STK17B: variants seen among roughly 807,000 people sequenced by gnomAD.
STK17B encodes serine/threonine kinase 17b.
In STK17B, 21 loss-of-function variants were observed where a neutral mutation model predicts 42.0. The observed-to-expected ratio is 0.50, with a 90% CI of 0.35 to 0.72. The LOEUF (loss-of-function observed/expected upper bound fraction) is 0.72. STK17B is among the 30% of genes least tolerant of loss of function. The probability of loss-of-function intolerance (pLI) is 0.00; values close to 1 mark genes in which losing one functional copy is unlikely to be tolerated. For synonymous variants in STK17B, 143 were observed against 148.4 expected (o/e 0.96, Z 0.26); for missense variants, 349 against 446.0 (o/e 0.78, Z 1.96).
At chr2:196,139,128 TAATTTTTTTGTATTTTTA>T (rs923046168) in intron 7 of STK17B, among the ~76,000 whole-genome samples, 1 of 151,932 alleles carries the variant, frequency 6.6e-6, no homozygotes, top group Non-Finnish European at 1.5e-5. Flanking sequence ...CATGCCTGGC[TAATTTTTTTGTATTTTTA>T]GTAGAGATGG....
chr2:196,159,873 C>T lies in STK17B; in HGVS notation c.123-3222G>A, dbSNP rs200660698. On this transcript the variant is annotated intron_variant, in intron 2 of 7. Coordinates refer to ENST00000263955, the MANE Select transcript of STK17B (RefSeq NM_004226.4). ...ACCATATACTGTGCTATTCTGTATC[C>T]TGTACTTAAAGTGTTTGTATTTCTT... Among the ~76,000 whole-genome samples the T allele has an allele frequency of 2.1e-5, 3 of 146,234 alleles. No homozygotes were observed. The East Asian group carries it at 5.8e-4, about 28-fold the overall frequency.
At chr2:196,161,101 T>G (rs1699806129) in intron 2 of STK17B, among the ~76,000 whole-genome samples, 2 of 152,144 alleles carry the variant, frequency 1.3e-5, no homozygotes, top group Non-Finnish European at 2.9e-5. Flanking sequence ...AAGACTTGCA[T>G]AATATTCATT....
upstream of STK17B, among the ~76,000 whole-genome samples, chr2:196,173,506 A>G (rs1050149087): frequency 6.6e-6 from 1 of 152,180 alleles, no homozygotes. Flanking sequence ...ATTCAACTAC[A>G]CTTACTTGGT....
At chr2:196,155,214 GA>G (rs1457316886) in intron 3 of STK17B, among the ~76,000 whole-genome samples, 1 of 152,188 alleles carries the variant, frequency 6.6e-6, no homozygotes, top group Non-Finnish European at 1.5e-5. Context: ...AAGGTCAGCT[GA>G]AGAATCTTTG....
rs1333219702 is a variant in STK17B at position 196,135,266 on chromosome 2, T to TA, written c.*2180dup. On this transcript the variant is annotated 3_prime_UTR_variant, in exon 8 of 8. Coordinates refer to ENST00000263955, the MANE Select transcript of STK17B (RefSeq NM_004226.4). ...ATCATTTCATTATCCAATGACTTAC[T>TA]AAACTTTACTTGCATTATCTTAATA... is the stretch of plus-strand genomic sequence containing the variant. 6.6e-6 allele frequency: 1 copy of TA among 152,204 alleles called. No individual in the cohort carries two copies. The highest frequency in any genetic ancestry group is 1.5e-5 in the Non-Finnish European group (1 of 68,026). The allele number at this position is 152,204 out of a possible 1,614,324, so 9.4% of individuals were successfully genotyped here.
intron 2 of STK17B, among the ~76,000 whole-genome samples, chr2:196,159,183 A>T (rs971256698): frequency 6.6e-6 from 1 of 152,138 alleles, no homozygotes; most frequent in Non-Finnish European, 1.5e-5. Context: ...TTAGCCAAGA[A>T]AACTGTGCAT....
At chr2:196,161,473 G>A (rs942053818) in intron 2 of STK17B, among the ~76,000 whole-genome samples, 2 of 118,666 alleles carry the variant, frequency 1.7e-5, no homozygotes, top group African/African-American at 6.5e-5. Context: ...ATGTGCTTTT[G>A]TATTTAATTC....
At chr2:196,139,243 C>T (rs1353145398) in intron 7 of STK17B, among the ~76,000 whole-genome samples, 4 of 152,154 alleles carry the variant, frequency 2.6e-5, no homozygotes, top group Admixed American at 6.5e-5. Flanking sequence ...GGATTACAGG[C>T]GTGAGCCACC....
chr2:196,149,202 C>T (rs1229878154), intron 3 of STK17B, among the ~76,000 whole-genome samples: 3 of 149,340 alleles, frequency 2.0e-5, no homozygotes, highest in African/African-American at 5.0e-5. Context: ...CTTGCTCTGT[C>T]GCCCAGGCTG....
intron 2 of STK17B, among the ~76,000 whole-genome samples, chr2:196,160,848 GT>G (rs1699802370): frequency 6.6e-6 from 1 of 152,038 alleles, no homozygotes; most frequent in South Asian, 2.1e-4. Context: ...ATTCTAAAAA[GT>G]ATGCCTAATT....
At chr2:196,155,508 T>A (rs1407705621) in intron 3 of STK17B, among the ~76,000 whole-genome samples, 2 of 152,168 alleles carry the variant, frequency 1.3e-5, no homozygotes, top group South Asian at 2.1e-4. Flanking sequence ...CCTTTAAATT[T>A]AAAAAGGCAA....
chr2:196,143,857 A>G (rs1699528238), intron 4 of STK17B, among the ~76,000 whole-genome samples, 171 bp from the exon 5 acceptor site: 1 of 152,244 alleles, frequency 6.6e-6, no homozygotes, highest in African/African-American at 2.4e-5. Flanking sequence ...TCAATGATGC[A>G]TAAAGCCAAA....
At chr2:196,163,154 C>T (rs1180060259) in intron 2 of STK17B, 108 bp downstream of exon 2, 19 of 1,340,652 alleles carry the variant, frequency 1.4e-5, no homozygotes, top group Non-Finnish European at 1.9e-5. Flanking sequence ...CACAACTTTC[C>T]TTCCTAATCA....
intron 2 of STK17B, among the ~76,000 whole-genome samples, chr2:196,159,024 A>AG (rs397987200): frequency 2.0e-5 from 3 of 151,114 alleles, no homozygotes; most frequent in African/African-American, 7.3e-5. Flanking sequence ...AAAAAAAAAA[A>AG]CAAAAAAACA....
chr2:196,149,208 G>A (rs1699627521), intron 3 of STK17B, among the ~76,000 whole-genome samples: 1 of 150,286 alleles, frequency 6.7e-6, no homozygotes, highest in East Asian at 1.9e-4. Flanking sequence ...CTGTCGCCCA[G>A]GCTGGAGTGC....
chr2:196,175,581 G>T (rs1002990833), upstream of STK17B, among the ~76,000 whole-genome samples: 2 of 152,206 alleles, frequency 1.3e-5, no homozygotes, highest in Non-Finnish European at 2.9e-5. Context: ...AGCCGAGATT[G>T]TGTACCACTG....
At chr2:196,166,693 C>T (rs910018375) in intron 1 of STK17B, among the ~76,000 whole-genome samples, 2 of 152,022 alleles carry the variant, frequency 1.3e-5, no homozygotes, top group African/African-American at 4.8e-5. Context: ...GGAAGTAGAT[C>T]AGTGAAGGAA....
intron 7 of STK17B, among the ~76,000 whole-genome samples, chr2:196,139,296 A>G (rs1699458755): frequency 6.6e-6 from 1 of 150,928 alleles, no homozygotes; most frequent in Admixed American, 6.6e-5. Flanking sequence ...CATTTACAAT[A>G]AAGTCTTATC....
In STK17B at chr2:196,141,238, C is replaced by A. The variant is rs1699489959; in HGVS notation, c.656+11G>T. 1.9e-6 allele frequency: 3 copies of A among 1,599,142 alleles called. No homozygotes were observed. The highest frequency in any genetic ancestry group is 1.1e-5 in the South Asian group (1 of 89,586). On this transcript the variant is annotated intron_variant, in intron 6 of 7. Transcript: ENST00000263955. ...CCATAAAGATGTTTAAGGTAACTAA[C>A]AACATCTTACCACATATCTGTTGCT...
Sources: gnomAD v4.1 joint callset for allele counts (sites outside exome capture counted in the v4.1 genomes callset) on GRCh38, gnomAD v4.1.1 for gene constraint, MANE v1.5 for transcripts, NCBI Gene and HGNC (gene_info 2026-07-23, HGNC 2026-07-21) for gene names.